PKD1L3: variants seen among roughly 807,000 people sequenced by gnomAD.
PKD1L3 encodes the protein polycystin-1-like protein 3.
Under a neutral mutation model 184.1 loss-of-function variants are expected in PKD1L3, and 239 were observed. The observed-to-expected ratio is 1.30, with a 90% CI of 1.17 to 1.45. The LOEUF is 1.45. PKD1L3 is among the 40% of genes most tolerant of loss of function. The probability of loss-of-function intolerance (pLI) is 0.00; values close to 1 mark genes in which losing one functional copy is unlikely to be tolerated. For missense variants in PKD1L3, 2,660 were observed against 2,067.2 expected (o/e 1.29, Z -5.56); for synonymous variants, 996 against 778.8 (o/e 1.28, Z -4.64).
At chr16:71,947,661 G>T in intron 21 of PKD1L3, 70 bp from the exon 22 acceptor site, 2 of 1,009,350 alleles carry the variant, frequency 2.0e-6, no homozygotes, top group South Asian at 3.0e-5. Context: ...CGTATGTAAA[G>T]GAAGAGGTGG....
At chr16:71,965,631 G>C (rs1360032145) in intron 15 of PKD1L3, among the ~76,000 whole-genome samples, 1 of 150,234 alleles carries the variant, frequency 6.7e-6, no homozygotes, top group Non-Finnish European at 1.5e-5. Flanking sequence ...TCTGCTCAAC[G>C]CAATCTCTGC....
intron 15 of PKD1L3, among the ~76,000 whole-genome samples, chr16:71,963,861 C>A (rs917523878): frequency 6.6e-6 from 1 of 152,228 alleles, no homozygotes; most frequent in Admixed American, 6.5e-5. Flanking sequence ...AGACACCAGA[C>A]TGCAAACCTT....
chr16:71,984,619 G>A (rs1014529086), intron 5 of PKD1L3, among the ~76,000 whole-genome samples: 2 of 152,222 alleles, frequency 1.3e-5, no homozygotes, highest in African/African-American at 4.8e-5. Flanking sequence ...CAGCACTTGG[G>A]AGGCTAAGGC....
At chr16:71,965,395 C>G (rs564710019) in intron 15 of PKD1L3, among the ~76,000 whole-genome samples, 1 of 152,086 alleles carries the variant, frequency 6.6e-6, no homozygotes, top group Admixed American at 6.6e-5. Flanking sequence ...GGGTAAATAC[C>G]TATGAGTGTG....
intron 4 of PKD1L3, among the ~76,000 whole-genome samples, chr16:71,988,384 G>A (rs1266588563): frequency 1.3e-5 from 2 of 152,102 alleles, no homozygotes; most frequent in Non-Finnish European, 2.9e-5. Context: ...TAGTAGAGAT[G>A]GGGTTTCGCC....
At chr16:71,983,668 T>C (rs951910403) in intron 6 of PKD1L3, among the ~76,000 whole-genome samples, 3 of 124,260 alleles carry the variant, frequency 2.4e-5, no homozygotes, top group Non-Finnish European at 3.4e-5. Context: ...TCTTTCTTTT[T>C]TTTTTTTTTT....
intron 15 of PKD1L3, among the ~76,000 whole-genome samples, chr16:71,965,586 A>T: frequency 7.0e-6 from 1 of 143,724 alleles, no homozygotes; most frequent in Non-Finnish European, 1.5e-5. Flanking sequence ...AGATGGTCTC[A>T]CTCTGTTGCC....
intron 21 of PKD1L3, among the ~76,000 whole-genome samples, chr16:71,948,787 C>T (rs2038715803): frequency 3.8e-5 from 4 of 105,918 alleles, no homozygotes; most frequent in South Asian, 3.4e-4. Context: ...AAATTTATAT[C>T]TTAACTTACA....
At position 71,934,105 on chromosome 16, in the gene PKD1L3, G is replaced by A. The variant is rs769422156; in HGVS notation, c.4634C>T (p.Ala1545Val). The change falls in exon 27 of 30, where the codon GCA (alanine) becomes GTA (valine). Residue 1545 changes from alanine to valine, a missense_variant. Physicochemically the swap from Ala to Val is moderately conservative, Grantham distance 64. Coordinates refer to ENST00000620267, the MANE Select transcript of PKD1L3 (RefSeq NM_181536.2). The stretch of plus-strand genomic sequence containing the variant: ...AGTCGCAGCAGAGTTCACTTTTACT[G>A]CCTCATAGAAGCTGATGAATCTGCA... ...DQDRFISFYEAVKVNSAATHL... is the reference protein window; with the variant it reads ...DQDRFISFYEVVKVNSAATHL... The A allele has an allele frequency of 1.3e-6, 2 of 1,551,758 alleles. No homozygotes were observed. Among genetic ancestry groups the A allele is most frequent in the South Asian group, 1.2e-5 (1 of 84,068 alleles).
chr16:71,971,485 C>T (rs1183187703), intron 12 of PKD1L3, among the ~76,000 whole-genome samples: 3 of 152,220 alleles, frequency 2.0e-5, no homozygotes, highest in East Asian at 1.9e-4. Flanking sequence ...AGAACTCTTG[C>T]GCTGTATTTG....
At chr16:71,952,823 GC>G (rs2038893363) in intron 18 of PKD1L3, 70 bp downstream of exon 18, 1 of 1,456,188 alleles carries the variant, frequency 6.9e-7, no homozygotes, top group East Asian at 2.5e-5. Flanking sequence ...GTGCAACAGA[GC>G]CAGACCCTAT....
intron 3 of PKD1L3, among the ~76,000 whole-genome samples, chr16:71,991,492 T>C (rs372566609): frequency 6.6e-6 from 1 of 152,082 alleles, no homozygotes; most frequent in Admixed American, 6.6e-5. Context: ...AAAATCCACA[T>C]GGGAGGGAAT....
chr16:71,993,179 A>G (rs1337004314), intron 3 of PKD1L3, 37 bp downstream of exon 3: 1 of 1,394,314 alleles, frequency 7.2e-7, no homozygotes, highest in Admixed American at 2.3e-5. Context: ...AATTGATTCC[A>G]CGGATTTTTA....
Position 71,973,351 on chromosome 16 carries a change from G to C in PKD1L3, c.1926C>G (p.Asn642Lys). ...VTQCYYWEIHNQTWSSAGCQV... is the reference protein window; with the variant it reads ...VTQCYYWEIHKQTWSSAGCQV... Reference sequence around the variant, plus strand: ...GGCATCCGGCGCTGCTCCATGTCTGGTTGTGGATCTCCCAGTAGTAACACT... The same window carrying C: ...GGCATCCGGCGCTGCTCCATGTCTGCTTGTGGATCTCCCAGTAGTAACACT... Residue 642 changes from asparagine (N) to lysine (K), a missense_variant, in exon 12 of 30, where the codon AAC becomes AAG. By Grantham distance (94) the Asn-to-Lys change is moderately conservative (BLOSUM62 0). Coordinates refer to ENST00000620267, the MANE Select transcript of PKD1L3 (RefSeq NM_181536.2). 1 of 1,551,668 alleles carries C rather than the reference G, an allele frequency of 6.4e-7. No homozygotes were observed. Among genetic ancestry groups the C allele is most frequent in the East Asian group, 2.4e-5 (1 of 40,914 alleles).
rs2038981158 is a variant in PKD1L3, at chr16:71,954,742, T to C, written c.2613-441A>G. Reference sequence around the variant, plus strand: ...AAAGAAAGAACCAAAAAGACTTTGCTGGGCTTAAACACAAAATAAACCTTT... The same window carrying C: ...AAAGAAAGAACCAAAAAGACTTTGCCGGGCTTAAACACAAAATAAACCTTT... On this transcript the variant is annotated intron_variant, in intron 16 of 29. Coordinates refer to ENST00000620267, the MANE Select transcript of PKD1L3 (RefSeq NM_181536.2). Among the ~76,000 whole-genome samples, 3 of 152,188 alleles carry C rather than the reference T, an allele frequency of 2.0e-5. No individual in the cohort carries two copies. The South Asian group carries it at 6.2e-4, about 31-fold the overall frequency.
rs536912795 is a variant in PKD1L3, at chr16:71,964,263, G to A, written c.2466-912C>T. On this transcript the variant is annotated intron_variant, in intron 15 of 29. Transcript: ENST00000620267. ...ACTGTAATGATGCTATTTTCCCCAA[G>A]GGTCTGTGTTTGTCATGAAACCACT... is the stretch of plus-strand genomic sequence containing the variant. Among the ~76,000 whole-genome samples the A allele has an allele frequency of 2.0e-3, 286 of 141,490 alleles. 1 individual carries two copies. Among genetic ancestry groups the A allele is most frequent in the South Asian group, 3.3e-3 (15 of 4,512 alleles). The allele number at this position is 141,490 out of a possible 152,430, so 92.8% of individuals were successfully genotyped here.
At chr16:71,989,772 G>A (rs1425723118) in intron 4 of PKD1L3, among the ~76,000 whole-genome samples, 1 of 152,172 alleles carries the variant, frequency 6.6e-6, no homozygotes, top group Non-Finnish European at 1.5e-5. Flanking sequence ...AAGCCAGAAA[G>A]AGAGGCTTTA....
chr16:71,985,732 A>G (rs2040333539), intron 5 of PKD1L3, among the ~76,000 whole-genome samples: 1 of 152,066 alleles, frequency 6.6e-6, no homozygotes, highest in Non-Finnish European at 1.5e-5. Flanking sequence ...GTGCCTGGCT[A>G]ATTTTTTTGA....
rs779588888 is a variant in PKD1L3 at position 71,973,349 on chromosome 16, T to A, written c.1928A>T (p.Gln643Leu). The stretch of plus-strand genomic sequence containing the variant: ...TTGGCATCCGGCGCTGCTCCATGTC[T>A]GGTTGTGGATCTCCCAGTAGTAACA... ...TQCYYWEIHN[Q>L]TWSSAGCQVG... The change falls in exon 12 of 30, where the codon CAG becomes CTG. Residue 643 changes from glutamine to leucine, a missense_variant. Coordinates refer to ENST00000620267, the MANE Select transcript of PKD1L3 (RefSeq NM_181536.2). 28 of 1,551,566 alleles carry A rather than the reference T, an allele frequency of 1.8e-5. No homozygotes were observed. In the African/African-American group the frequency reaches 2.3e-4, roughly 13 times the overall value.
Sources: gnomAD v4.1 joint callset for allele counts (sites outside exome capture counted in the v4.1 genomes callset) on GRCh38, gnomAD v4.1.1 for gene constraint, MANE v1.5 for transcripts, NCBI Gene and HGNC (gene_info 2026-07-23, HGNC 2026-07-21) for gene names.